The following LRP1B variants were observed in gnomAD, a reference collection of about 807,000 sequenced individuals.
LRP1B encodes the protein LDL receptor related protein 1B.
Under a neutral mutation model 556.6 loss-of-function variants are expected in LRP1B, and 217 were observed. That is an observed-to-expected ratio of 0.39 (90% CI 0.35 to 0.44). The LOEUF is 0.44. Ranked by LOEUF, LRP1B falls within the 20% of genes least tolerant of loss-of-function variation. The probability of loss-of-function intolerance (pLI) is 1.00; values close to 1 mark genes in which losing one functional copy is unlikely to be tolerated. For missense variants in LRP1B, 5,053 were observed against 5,620.8 expected (o/e 0.90, Z 3.23); for synonymous variants, 2,047 against 1,865.8 (o/e 1.10, Z -2.50).
chr2:140,559,677 G>T (rs1207870302), intron 43 of LRP1B, among the ~76,000 whole-genome samples: 2 of 148,594 alleles, frequency 1.3e-5, no homozygotes. Context: ...GGACATTGGA[G>T]AAACAAATAA....
intron 6 of LRP1B, among the ~76,000 whole-genome samples, chr2:141,196,440 C>T (rs1313445800): frequency 6.6e-6 from 1 of 152,106 alleles, no homozygotes; most frequent in African/African-American, 2.4e-5. Context: ...TATATTCACA[C>T]TTTCTCTCCC....
intron 3 of LRP1B, among the ~76,000 whole-genome samples, chr2:141,475,766 G>T (rs1009422635): frequency 1.8e-4 from 27 of 146,202 alleles, no homozygotes; most frequent in Admixed American, 1.6e-3. Context: ...GGTTGGGGAT[G>T]GTCAGAGAGG....
At chr2:141,001,562 A>G (rs1697425085) in intron 15 of LRP1B, among the ~76,000 whole-genome samples, 1 of 152,078 alleles carries the variant, frequency 6.6e-6, no homozygotes, top group Admixed American at 6.6e-5. Flanking sequence ...GAGTGAGAAC[A>G]CGTGGTGCTT....
At chr2:141,618,216 C>A (rs1360392580) in intron 2 of LRP1B, among the ~76,000 whole-genome samples, 1 of 151,930 alleles carries the variant, frequency 6.6e-6, no homozygotes, top group Non-Finnish European at 1.5e-5. Context: ...AATTTATGGT[C>A]ATCCTTTTAC....
At chr2:142,076,879 A>G (rs1705520897) in intron 1 of LRP1B, among the ~76,000 whole-genome samples, 1 of 152,134 alleles carries the variant, frequency 6.6e-6, no homozygotes, top group Non-Finnish European at 1.5e-5. Flanking sequence ...TAAAATGTAT[A>G]TATATGTAAA....
intron 41 of LRP1B, among the ~76,000 whole-genome samples, chr2:140,631,152 C>A (rs1330952472): frequency 6.6e-6 from 1 of 152,124 alleles, no homozygotes; most frequent in Admixed American, 6.6e-5. Flanking sequence ...CTATGGCAAA[C>A]ATTAAACATA....
chr2:142,083,124 G>A (rs764410066), intron 1 of LRP1B, among the ~76,000 whole-genome samples: 2 of 152,180 alleles, frequency 1.3e-5, no homozygotes, highest in Non-Finnish European at 2.9e-5. Context: ...GGCCCATGCG[G>A]CATAATGGTA....
chr2:141,345,353 A>T (rs187166155), intron 3 of LRP1B, among the ~76,000 whole-genome samples: 2 of 152,296 alleles, frequency 1.3e-5, no homozygotes, highest in East Asian at 3.9e-4. Flanking sequence ...ATAGCAGCAA[A>T]AGTAAACTAA....
At chr2:141,445,723 T>C (rs1425783258) in intron 3 of LRP1B, among the ~76,000 whole-genome samples, 3 of 152,236 alleles carry the variant, frequency 2.0e-5, no homozygotes, top group South Asian at 2.1e-4. Context: ...TTCCATGTAG[T>C]TATGCGTTTT....
At chr2:141,674,842 G>A (rs1269984863) in intron 2 of LRP1B, among the ~76,000 whole-genome samples, 1 of 151,960 alleles carries the variant, frequency 6.6e-6, no homozygotes. Flanking sequence ...CAAAGGACAT[G>A]TACATTAGAC....
chr2:142,068,642 CA>C (rs1705195544), intron 1 of LRP1B, among the ~76,000 whole-genome samples: 1 of 151,308 alleles, frequency 6.6e-6, no homozygotes, highest in Non-Finnish European at 1.5e-5. Context: ...ACAGGTTTCT[CA>C]ATATGTTTTA....
At chr2:140,917,073 C>G (rs1694601757) in intron 21 of LRP1B, among the ~76,000 whole-genome samples, 1 of 152,056 alleles carries the variant, frequency 6.6e-6, no homozygotes, top group South Asian at 2.1e-4. Context: ...AATTTAATGG[C>G]AAATGAACAT....
chr2:141,017,468 AAC>A (rs746591531), intron 12 of LRP1B, among the ~76,000 whole-genome samples: 19 of 151,448 alleles, frequency 1.3e-4, no homozygotes, highest in Non-Finnish European at 2.5e-4. Context: ...TGTATACAGA[AAC>A]ACACACACGC....
intron 35 of LRP1B, among the ~76,000 whole-genome samples, chr2:140,717,366 G>T (rs956287907): frequency 2.0e-5 from 3 of 151,990 alleles, no homozygotes; most frequent in African/African-American, 7.2e-5. Flanking sequence ...CTTATAATCC[G>T]ATTATTCCTT....
In LRP1B at chr2:141,062,106, A is replaced by T. The variant is rs2105468199; in HGVS notation, c.1181T>A (p.Val394Glu). ...TTTTCCTTGATAGTCCACTACTCCCACATAGTCCAAGTAAAGATCTACCCA... is the reference window on the plus strand; with the variant it reads ...TTTTCCTTGATAGTCCACTACTCCCTCATAGTCCAAGTAAAGATCTACCCA... ...VYWVDLYLDY[V>E]GVVDYQGKNR... is the part of the protein sequence containing the mutation. The change falls in exon 8 of 91, where the codon GTG (valine) becomes GAG (glutamate). Residue 394 changes from valine (V) to glutamate (E), a missense_variant. By Grantham distance (121) the Val-to-Glu change is moderately radical. Around this residue, in one of 5 missense-constraint regions of LRP1B, gnomAD observed 3,619 missense variants for 3,931.9 expected, o/e 0.92. Transcript: ENST00000389484. 1 of 1,612,078 alleles carries T rather than the reference A, an allele frequency of 6.2e-7. No individual in the cohort carries two copies. Among genetic ancestry groups the T allele is most frequent in the Middle Eastern group, 1.7e-4 (1 of 6,046 alleles).
Position 140,740,647 on chromosome 2 carries a change from A to G in LRP1B, c.5759-23831T>C, listed in dbSNP as rs533247012. ...TAACCAAACACCACCTGTTCCCCCA[A>G]AACCTATGGAAAAAGAAAAATGAAA... On this transcript the variant is annotated intron_variant, in intron 35 of 90. Transcript: ENST00000389484. 7.0e-3 allele frequency among the ~76,000 whole-genome samples: 1,031 copies of G among 146,760 alleles called. 6 individuals carry two copies. The highest frequency in any genetic ancestry group is 0.01 in the Non-Finnish European group (712 of 67,856).
At chr2:141,612,164 G>C (rs776024355) in intron 2 of LRP1B, among the ~76,000 whole-genome samples, 1 of 152,196 alleles carries the variant, frequency 6.6e-6, no homozygotes, top group African/African-American at 2.4e-5. Context: ...TCCAGGATGT[G>C]AGCCACTGGT....
In LRP1B at chr2:141,745,955, C is replaced by G. The variant is rs190575843; in HGVS notation, c.205+64324G>C. ...CATGGCAGCAGGTTCCCTTCTGGCCCAGGGTGTTTCTAAAAATGGTTTCTG... is the reference window on the plus strand; with the variant it reads ...CATGGCAGCAGGTTCCCTTCTGGCCGAGGGTGTTTCTAAAAATGGTTTCTG... On this transcript the variant is annotated intron_variant, in intron 2 of 90. Transcript: ENST00000389484. 3.4e-3 allele frequency among the ~76,000 whole-genome samples: 522 copies of G among 152,114 alleles called. 2 individuals carry two copies. The highest frequency in any genetic ancestry group is 0.012 in the African/African-American group (488 of 41,516).
intron 86 of LRP1B, among the ~76,000 whole-genome samples, chr2:140,250,360 CAGAT>C (rs561318472): frequency 4.3e-4 from 65 of 151,838 alleles, no homozygotes; most frequent in Admixed American, 3.6e-3. Context: ...GATGGATAGA[CAGAT>C]AGACAGGTAG....
Sources: gnomAD v4.1 joint callset for allele counts (sites outside exome capture counted in the v4.1 genomes callset) on GRCh38, gnomAD v4.1.1 for gene constraint, gnomAD v4.1.1 regional missense constraint, MANE v1.5 for transcripts, NCBI Gene and HGNC (gene_info 2026-07-23, HGNC 2026-07-21) for gene names.